GUCA1C: variants seen among roughly 807,000 people sequenced by gnomAD.
GUCA1C encodes the protein guanylyl cyclase-activating protein 3.
In GUCA1C, 15 loss-of-function variants were observed where a neutral mutation model predicts 16.2. The ratio of observed to expected loss-of-function variants is 0.93; its 90% confidence interval spans 0.62 to 1.43. The LOEUF (loss-of-function observed/expected upper bound fraction) is 1.43, where lower values mean the gene tolerates loss of function less well. Among genes scored for constraint, GUCA1C ranks in the 40% most tolerant of loss-of-function variants. GUCA1C has a pLI of 0.00. For missense variants in GUCA1C, 275 were observed against 244.8 expected, an observed-to-expected ratio of 1.12 and a Z score of -0.82; for synonymous variants, 78 against 85.4, an observed-to-expected ratio of 0.91 and a Z score of 0.48.
intron 1 of GUCA1C, among the ~76,000 whole-genome samples, chr3:108,941,559 A>G (rs1044364134): frequency 6.6e-6 from 1 of 152,172 alleles, no homozygotes; most frequent in Non-Finnish European, 1.5e-5. Context: ...TCAGACTTCT[A>G]TTAGTCCAGT....
chr3:108,940,046 T>C (rs1372584961), intron 1 of GUCA1C, among the ~76,000 whole-genome samples: 1 of 152,220 alleles, frequency 6.6e-6, no homozygotes, highest in Non-Finnish European at 1.5e-5. Context: ...GGTAAAATTC[T>C]GTGAGAAGCT....
intron 1 of GUCA1C, among the ~76,000 whole-genome samples, chr3:108,928,277 C>CA (rs1343825978): frequency 3.9e-5 from 6 of 152,206 alleles, no homozygotes; most frequent in African/African-American, 1.4e-4. Context: ...TGCCCCTCTC[C>CA]ACCATCCTAA....
intron 3 of GUCA1C, among the ~76,000 whole-genome samples, chr3:108,912,496 TA>T (rs1352272896): frequency 1.3e-5 from 2 of 151,964 alleles, no homozygotes; most frequent in Non-Finnish European, 2.9e-5. Flanking sequence ...GTTCGTAATA[TA>T]AAAATAAAAC....
chr3:108,922,536 G>A (rs1946579790), intron 1 of GUCA1C, among the ~76,000 whole-genome samples: 1 of 151,842 alleles, frequency 6.6e-6, no homozygotes, highest in Non-Finnish European at 1.5e-5. Flanking sequence ...GGCCATTCTT[G>A]CAGGAGTGAG....
chr3:108,934,805 G>C (rs1946706161), intron 1 of GUCA1C, among the ~76,000 whole-genome samples: 1 of 104,338 alleles, frequency 9.6e-6, no homozygotes, highest in Non-Finnish European at 1.9e-5. Flanking sequence ...TTATGTTCTT[G>C]ATCTTTTTTT....
In GUCA1C at chr3:108,920,559, A is replaced by G. The variant is rs1261733127; in HGVS notation, c.231T>C (p.Phe77=). The change falls in exon 2 of 4, where the codon TTT becomes TTC. Residue 77 remains phenylalanine, a synonymous_variant. Coordinates refer to ENST00000261047, the MANE Select transcript of GUCA1C (RefSeq NM_005459.4). ...NKDGFVDFLE[F]IAAVNLIMQE... ...GCATGATTAGATTTACAGCAGCAAT[A>G]AACTCCAAAAAGTCAACAAATCCAT... The G allele has an allele frequency of 3.9e-6, 6 of 1,536,154 alleles. No individual in the cohort carries two copies. The highest frequency in any genetic ancestry group is 5.4e-6 in the Non-Finnish European group (6 of 1,109,572).
chr3:108,952,065 A>AT (rs1946900819), intron 1 of GUCA1C, among the ~76,000 whole-genome samples: 1 of 152,220 alleles, frequency 6.6e-6, no homozygotes, highest in Admixed American at 6.5e-5. Context: ...TCGATAGCTC[A>AT]TTTTCTAACC....
chr3:108,938,610 A>AT, intron 1 of GUCA1C, among the ~76,000 whole-genome samples: 1 of 152,216 alleles, frequency 6.6e-6, no homozygotes, highest in Admixed American at 6.5e-5. Context: ...GACCTAGCCT[A>AT]TTTTCACCCA....
In GUCA1C at chr3:108,908,207, C is replaced by T. The variant is rs776975372; in HGVS notation, c.445G>A (p.Glu149Lys). ...FHKIDINNDG[E>K]LTLEEFINGM... ...TTGATAAATTCTTCTAAAGTCAATT[C>T]CCCTGGAAAATAATAAACAGTTAAT... The change falls in exon 4 of 4, where the codon GAA becomes AAA. Residue 149 changes from glutamate to lysine, a missense_variant and splice_region_variant. By Grantham distance (56) the Glu-to-Lys change is moderately conservative. Coordinates refer to ENST00000261047, the MANE Select transcript of GUCA1C (RefSeq NM_005459.4). 1.9e-4 allele frequency: 303 copies of T among 1,606,830 alleles called. No individual in the cohort carries two copies. Among genetic ancestry groups the T allele is most frequent in the Non-Finnish European group, 2.4e-4 (280 of 1,173,818 alleles).
intron 1 of GUCA1C, among the ~76,000 whole-genome samples, chr3:108,927,603 A>G (rs763031592): frequency 6.6e-6 from 1 of 151,864 alleles, no homozygotes; most frequent in Non-Finnish European, 1.5e-5. Context: ...TTTTTTATTT[A>G]CACTATCTAT....
chr3:108,941,689 T>C (rs1946786582), intron 1 of GUCA1C, among the ~76,000 whole-genome samples: 1 of 152,204 alleles, frequency 6.6e-6, no homozygotes, highest in Admixed American at 6.5e-5. Flanking sequence ...AAAACCCAGA[T>C]GCCTAGGTGT....
chr3:108,941,420 C>G (rs866622791), intron 1 of GUCA1C, among the ~76,000 whole-genome samples: 1 of 152,196 alleles, frequency 6.6e-6, no homozygotes, highest in Non-Finnish European at 1.5e-5. Context: ...GAGTTCCAAA[C>G]CCATACATTT....
At chr3:108,909,014 G>A (rs541743494) in intron 3 of GUCA1C, among the ~76,000 whole-genome samples, 2 of 152,328 alleles carry the variant, frequency 1.3e-5, no homozygotes, top group South Asian at 4.1e-4. Context: ...GCCAAAGACG[G>A]ACGGAGTGCA....
At chr3:108,926,326 T>A (rs551084420) in intron 1 of GUCA1C, among the ~76,000 whole-genome samples, 1 of 152,344 alleles carries the variant, frequency 6.6e-6, no homozygotes, top group African/African-American at 2.4e-5. Context: ...CCTTATTTGT[T>A]AGGTGAGTCT....
chr3:108,923,083 C>T (rs370476779), intron 1 of GUCA1C, among the ~76,000 whole-genome samples: 2 of 152,182 alleles, frequency 1.3e-5, no homozygotes, highest in East Asian at 1.9e-4. Context: ...AGTCCTTCGT[C>T]GAATGTACAG....
intron 1 of GUCA1C, among the ~76,000 whole-genome samples, chr3:108,927,150 A>C (rs1300337037): frequency 1.3e-5 from 2 of 152,206 alleles, no homozygotes; most frequent in Non-Finnish European, 2.9e-5. Flanking sequence ...TTTGCCTCGC[A>C]GCTCTTAAGA....
chr3:108,939,917 T>C (rs2107309467), intron 1 of GUCA1C, among the ~76,000 whole-genome samples: 1 of 152,312 alleles, frequency 6.6e-6, no homozygotes, highest in Middle Eastern at 3.4e-3. Flanking sequence ...TGTCTCTAGG[T>C]GCTTCTCATA....
intron 1 of GUCA1C, among the ~76,000 whole-genome samples, chr3:108,922,360 G>A (rs1282038840): frequency 6.6e-6 from 1 of 152,134 alleles, no homozygotes; most frequent in Admixed American, 6.6e-5. Flanking sequence ...ATACCTAGTA[G>A]TGGGATTGCT....
intron 1 of GUCA1C, among the ~76,000 whole-genome samples, chr3:108,949,313 G>C (rs1465602019): frequency 2.0e-5 from 3 of 152,192 alleles, no homozygotes; most frequent in Admixed American, 2.0e-4. Context: ...TGAGCCAGCT[G>C]TCAGACCATG....
Sources: gnomAD v4.1 joint callset for allele counts (sites outside exome capture counted in the v4.1 genomes callset) on GRCh38, gnomAD v4.1.1 for gene constraint, MANE v1.5 for transcripts, NCBI Gene and HGNC (gene_info 2026-07-23, HGNC 2026-07-21) for gene names.